The following PIK3C2G variants were observed in gnomAD, a reference collection of about 807,000 sequenced individuals.
PIK3C2G encodes the protein phosphatidylinositol-4-phosphate 3-kinase catalytic subunit type 2 gamma.
A neutral mutation model predicts 181.1 loss-of-function variants in PIK3C2G; 168 were observed. That is an observed-to-expected ratio of 0.93 (90% CI 0.82 to 1.05). PIK3C2G has a LOEUF of 1.05. Among genes scored for constraint, PIK3C2G ranks in the 50% least tolerant of loss-of-function variants. PIK3C2G has a pLI of 0.00. For synonymous variants in PIK3C2G, 573 were observed against 592.2 expected (o/e 0.97, Z 0.47); for missense variants, 1,869 against 1,732.8 (o/e 1.08, Z -1.40).
At chr12:18,299,036 T>A (rs1179583097) in intron 5 of PIK3C2G, among the ~76,000 whole-genome samples, 1 of 151,974 alleles carries the variant, frequency 6.6e-6, no homozygotes, top group African/African-American at 2.4e-5. Flanking sequence ...ATTTGGGCTC[T>A]TTTTTACTTC....
chr12:18,654,111 A>G, the PIK3C2G span, among the ~76,000 whole-genome samples: 1 of 152,100 alleles, frequency 6.6e-6, no homozygotes, highest in Non-Finnish European at 1.5e-5. Flanking sequence ...GCCTTAAAAG[A>G]AATATTGGGA....
intron 20 of PIK3C2G, chr12:18,493,437 T>C (rs904999638): frequency 1.3e-5 from 2 of 152,270 alleles, no homozygotes; most frequent in Admixed American, 6.6e-5. Context: ...ATGATAAGCA[T>C]GGAAATGTGT....
chr12:18,535,078 T>C (rs191887412), intron 24 of PIK3C2G, among the ~76,000 whole-genome samples: 3 of 152,218 alleles, frequency 2.0e-5, no homozygotes, highest in Non-Finnish European at 4.4e-5. Flanking sequence ...GATTTATAAG[T>C]AATGCTTAAA....
chr12:18,602,389 G>A (rs1430920838), intron 30 of PIK3C2G, among the ~76,000 whole-genome samples: 2 of 150,598 alleles, frequency 1.3e-5, no homozygotes, highest in Non-Finnish European at 3.0e-5. Flanking sequence ...AGCCCAAGGA[G>A]AGTCTGAGCT....
the PIK3C2G span, chr12:18,696,314 A>T: frequency 5.6e-6 from 3 of 540,486 alleles, no homozygotes; most frequent in Non-Finnish European, 9.5e-6. Context: ...AATAAATTTA[A>T]AAAGCCACTA....
At chr12:18,642,112 C>G (rs771956223) in intron 32 of PIK3C2G, among the ~76,000 whole-genome samples, 2 of 152,146 alleles carry the variant, frequency 1.3e-5, no homozygotes, top group Non-Finnish European at 2.9e-5. Context: ...CACTTTTAGA[C>G]CAGGCTTTCC....
intron 26 of PIK3C2G, among the ~76,000 whole-genome samples, chr12:18,547,825 A>T (rs1944512151): frequency 1.3e-5 from 2 of 152,004 alleles, no homozygotes; most frequent in Non-Finnish European, 2.9e-5. Context: ...TTGATGTTCG[A>T]CTGTGGCCAA....
intron 10 of PIK3C2G, among the ~76,000 whole-genome samples, chr12:18,344,549 C>A (rs1345652903): frequency 6.6e-6 from 1 of 151,964 alleles, no homozygotes; most frequent in Non-Finnish European, 1.5e-5. Flanking sequence ...GAGCTGCAGG[C>A]GTGTCTGTAT....
At chr12:18,639,239 A>T (rs1301298067) in intron 31 of PIK3C2G, among the ~76,000 whole-genome samples, 2 of 152,092 alleles carry the variant, frequency 1.3e-5, no homozygotes, top group Non-Finnish European at 2.9e-5. Flanking sequence ...AACTGAATAA[A>T]ATTTAGTCCT....
chr12:18,618,728 T>G (rs1421306009), intron 31 of PIK3C2G, among the ~76,000 whole-genome samples: 1 of 152,020 alleles, frequency 6.6e-6, no homozygotes, highest in East Asian at 1.9e-4. Context: ...ACACTTGAAA[T>G]CAATGAAATG....
At chr12:18,324,999 C>A in intron 7 of PIK3C2G, 36 bp from the exon 8 acceptor site, 3 of 1,111,412 alleles carry the variant, frequency 2.7e-6, no homozygotes, top group East Asian at 2.4e-5. Context: ...TTTTCCCACC[C>A]AATTTTAAAC....
rs549089231 is a variant in PIK3C2G at position 18,288,874 on chromosome 12, G to A, written c.761+1945G>A. Among the ~76,000 whole-genome samples, 3 of 152,232 alleles carry A rather than the reference G, an allele frequency of 2.0e-5. No homozygotes were observed. In the East Asian group the frequency reaches 5.8e-4, roughly 29 times the overall value. On this transcript the variant is annotated intron_variant, in intron 3 of 32. Coordinates refer to ENST00000538779, the MANE Select transcript of PIK3C2G (RefSeq NM_001288772.2). ...CACTAGTGACATCGAAATACTTGAT[G>A]TGATGATTTTCCAGTGACTTATAGT...
chr12:18,665,898 G>A, the PIK3C2G span, among the ~76,000 whole-genome samples: 1 of 148,624 alleles, frequency 6.7e-6, no homozygotes, highest in Admixed American at 6.8e-5. Flanking sequence ...TCGCGCCATT[G>A]TACTCCAGCC....
At chr12:18,641,472 G>T (rs1949834616) in intron 32 of PIK3C2G, among the ~76,000 whole-genome samples, 1 of 152,050 alleles carries the variant, frequency 6.6e-6, no homozygotes, top group African/African-American at 2.4e-5. Flanking sequence ...TTTGCTTTTT[G>T]AGTTGTACCT....
intron 13 of PIK3C2G, among the ~76,000 whole-genome samples, chr12:18,380,992 A>G (rs572215385): frequency 6.6e-6 from 1 of 152,332 alleles, no homozygotes; most frequent in South Asian, 2.1e-4. Context: ...AAAATCCAAC[A>G]CTGTTTTCTG....
chr12:18,432,958 T>C (rs1015786514), intron 18 of PIK3C2G, among the ~76,000 whole-genome samples: 21 of 151,610 alleles, frequency 1.4e-4, no homozygotes, highest in African/African-American at 5.1e-4. Flanking sequence ...AATTAGGAAC[T>C]CATTCAAGTA....
At chr12:18,605,989 C>A (rs560686604) in intron 30 of PIK3C2G, among the ~76,000 whole-genome samples, 1 of 152,064 alleles carries the variant, frequency 6.6e-6, no homozygotes, top group African/African-American at 2.4e-5. Flanking sequence ...TGATTGAATG[C>A]GTTACTGTAC....
At chr12:18,710,899 G>A in the PIK3C2G span, among the ~76,000 whole-genome samples, 1 of 152,112 alleles carries the variant, frequency 6.6e-6, no homozygotes, top group Non-Finnish European at 1.5e-5. Context: ...TGCTGGAGAG[G>A]ATGTGGAGAA....
At chr12:18,700,038 A>C in the PIK3C2G span, 1 of 1,088,762 alleles carries the variant, frequency 9.2e-7, no homozygotes. Flanking sequence ...ACTTTCAAAC[A>C]AATGATTTTC....
Sources: gnomAD v4.1 joint callset for allele counts (sites outside exome capture counted in the v4.1 genomes callset) on GRCh38, gnomAD v4.1.1 for gene constraint, MANE v1.5 for transcripts, NCBI Gene and HGNC (gene_info 2026-07-23, HGNC 2026-07-21) for gene names.